FOXP1: variants seen among roughly 807,000 people sequenced by gnomAD.
The protein encoded by FOXP1 is forkhead box protein P1.
Under a neutral mutation model 98.2 loss-of-function variants are expected in FOXP1, and 15 were observed. The ratio of observed to expected loss-of-function variants is 0.15; its 90% CI spans 0.10 to 0.24. The LOEUF is 0.24. Among genes scored for constraint, FOXP1 ranks in the 10% least tolerant of loss-of-function variants. FOXP1 has a pLI of 1.00. For synonymous variants in FOXP1, 371 were observed against 314.5 expected (o/e 1.18, Z -1.90); for missense variants, 633 against 848.5 (o/e 0.75, Z 3.15).
intron 5 of FOXP1, among the ~76,000 whole-genome samples, chr3:71,264,474 G>A (rs2069449656): frequency 6.6e-6 from 1 of 152,182 alleles, no homozygotes; most frequent in Non-Finnish European, 1.5e-5. Context: ...TTGATATCAG[G>A]AATGGAGAGC....
chr3:70,973,834 C>T (rs1388005909), intron 17 of FOXP1, among the ~76,000 whole-genome samples: 3 of 35,536 alleles, frequency 8.4e-5, no homozygotes, highest in East Asian at 6.8e-4. Flanking sequence ...TTTTGCACAC[C>T]GCCCCCCCCC....
chr3:71,523,313 A>G (rs957880811), intron 2 of FOXP1, among the ~76,000 whole-genome samples: 1 of 152,166 alleles, frequency 6.6e-6, no homozygotes, highest in Non-Finnish European at 1.5e-5. Flanking sequence ...AAAGATGACA[A>G]ATTTCTGGTG....
intron 6 of FOXP1, among the ~76,000 whole-genome samples, chr3:71,164,348 C>T (rs1047593107): frequency 3.9e-5 from 6 of 151,984 alleles, no homozygotes; most frequent in African/African-American, 1.4e-4. Context: ...TACAGGCGCC[C>T]GCCACCACGC....
intron 2 of FOXP1, among the ~76,000 whole-genome samples, chr3:71,504,110 T>C (rs2041626715): frequency 6.6e-6 from 1 of 152,196 alleles, no homozygotes; most frequent in African/African-American, 2.4e-5. Context: ...GTTTCCCTTC[T>C]TATAAAATGA....
At chr3:71,581,725 C>T (rs1048864293) in intron 1 of FOXP1, 28 bp from the exon 2 acceptor site, 1 of 985,756 alleles carries the variant, frequency 1.0e-6, no homozygotes, top group Non-Finnish European at 1.2e-6. Context: ...CCGGGGCGAC[C>T]CTCAGCAAGT....
chr3:71,373,737 C>T (rs868781718), intron 3 of FOXP1, among the ~76,000 whole-genome samples: 1 of 152,132 alleles, frequency 6.6e-6, no homozygotes, highest in South Asian at 2.1e-4. Flanking sequence ...TCTTGCTAGT[C>T]CACATGCTTG....
intron 3 of FOXP1, among the ~76,000 whole-genome samples, chr3:71,490,342 A>G (rs2090971633): frequency 6.6e-6 from 1 of 152,148 alleles, no homozygotes; most frequent in South Asian, 2.1e-4. Context: ...ACTAAAAGAT[A>G]CAAAAATTAG....
chr3:71,200,727 C>T (rs766590958), intron 5 of FOXP1, among the ~76,000 whole-genome samples: 3 of 152,178 alleles, frequency 2.0e-5, no homozygotes, highest in Non-Finnish European at 4.4e-5. Flanking sequence ...ATATGTACAA[C>T]CAATGCTACA....
At chr3:71,035,261 AG>A (rs1261451655) in intron 11 of FOXP1, among the ~76,000 whole-genome samples, 1 of 152,188 alleles carries the variant, frequency 6.6e-6, no homozygotes, top group Non-Finnish European at 1.5e-5. Flanking sequence ...AAGAAAGTCC[AG>A]GTTTCAGAAG....
chr3:71,172,119 G>A (rs952452409), intron 6 of FOXP1, among the ~76,000 whole-genome samples: 2 of 151,938 alleles, frequency 1.3e-5, no homozygotes, highest in African/African-American at 2.4e-5. Context: ...CATGGATATC[G>A]TGGCTTTTGT....
intron 3 of FOXP1, among the ~76,000 whole-genome samples, chr3:71,380,698 A>ATTTTTT (rs11395817): frequency 5.0e-5 from 5 of 100,262 alleles, no homozygotes; most frequent in East Asian, 2.9e-4. Context: ...CTTTTTAGAC[A>ATTTTTT]TTTTTTTTTT....
intron 4 of FOXP1, among the ~76,000 whole-genome samples, chr3:71,312,717 G>C (rs2074779157): frequency 6.6e-6 from 1 of 152,214 alleles, no homozygotes; most frequent in Non-Finnish European, 1.5e-5. Context: ...AGGCACGGTG[G>C]CTCATACCTG....
At position 71,515,587 on chromosome 3, in the gene FOXP1, A is replaced by G. The variant is rs138176914; in HGVS notation, c.-297-22032T>C. 5.3e-3 allele frequency among the ~76,000 whole-genome samples: 809 copies of G among 152,196 alleles called. 6 individuals carry two copies. The highest frequency in any genetic ancestry group is 0.018 in the African/African-American group (763 of 41,518). ...CATCAAAATGCCTTTGCCAGAGCCA[A>G]TCTAACATTACTGCAAAGTCCCATA... On this transcript the variant is annotated intron_variant, in intron 2 of 20. Transcript: ENST00000649528.
intron 7 of FOXP1, among the ~76,000 whole-genome samples, chr3:71,110,382 G>A (rs1472863168): frequency 6.6e-6 from 1 of 152,022 alleles, no homozygotes; most frequent in East Asian, 1.9e-4. Context: ...TCTAACCAAA[G>A]CTCTACTATG....
chr3:71,198,425 A>G (rs9855825), intron 5 of FOXP1, 33 bp from the exon 6 acceptor site: 20,637 of 519,900 alleles, frequency 0.04, 8 homozygotes, highest in South Asian at 0.059. Context: ...GGGGGGAGGG[A>G]GGGGGGGAGA....
intron 5 of FOXP1, among the ~76,000 whole-genome samples, chr3:71,239,339 C>T (rs1362721946): frequency 1.3e-5 from 2 of 152,022 alleles, no homozygotes; most frequent in Non-Finnish European, 1.5e-5. Context: ...GTCAGGAGAT[C>T]GAGAACCAGC....
intron 2 of FOXP1, among the ~76,000 whole-genome samples, chr3:71,501,962 A>G (rs2041406988): frequency 1.3e-5 from 2 of 152,290 alleles, no homozygotes; most frequent in South Asian, 2.1e-4. Flanking sequence ...TTTGCAGGTT[A>G]TATCCTGGAT....
chr3:71,572,193 C>T (rs2047390470), intron 2 of FOXP1: 1 of 152,178 alleles, frequency 6.6e-6, no homozygotes, highest in African/African-American at 2.4e-5. Flanking sequence ...CAAATGAATG[C>T]TTTGCCTGTT....
At chr3:71,473,595 C>T (rs1204969520) in intron 3 of FOXP1, among the ~76,000 whole-genome samples, 13 of 152,058 alleles carry the variant, frequency 8.5e-5, no homozygotes, top group Admixed American at 7.9e-4. Flanking sequence ...ATAGATACAA[C>T]TGATGTATAA....
Sources: allele counts gnomAD v4.1 joint callset (sites outside exome capture counted in the v4.1 genomes callset), GRCh38; gene constraint gnomAD v4.1.1; transcripts MANE v1.5; gene names NCBI Gene and HGNC (gene_info 2026-07-23, HGNC 2026-07-21).